DPP10: variants seen among roughly 807,000 people sequenced by gnomAD.
DPP10 encodes dipeptidyl peptidase like 10.
In DPP10, 33 loss-of-function variants were observed where a neutral mutation model predicts 120.9. The observed-to-expected ratio is 0.27, with a 90% CI of 0.21 to 0.37. The LOEUF is 0.37. Ranked by LOEUF, DPP10 falls within the 10% of genes least tolerant of loss-of-function variation. The pLI is 1.00. For missense variants in DPP10, 816 were observed against 942.8 expected, an observed-to-expected ratio of 0.87 and a Z score of 1.76; for synonymous variants, 337 against 326.1, an observed-to-expected ratio of 1.03 and a Z score of -0.36.
At chr2:114,599,694 G>A (rs1160990811) in intron 1 of DPP10, among the ~76,000 whole-genome samples, 1 of 151,570 alleles carries the variant, frequency 6.6e-6, no homozygotes, top group Non-Finnish European at 1.5e-5. Flanking sequence ...TTCTGTGAAC[G>A]TACACCTTGT....
At chr2:115,725,377 C>G (rs1279259874) in intron 7 of DPP10, among the ~76,000 whole-genome samples, 1 of 152,194 alleles carries the variant, frequency 6.6e-6, no homozygotes, top group Non-Finnish European at 1.5e-5. Flanking sequence ...AAAATGCACA[C>G]TTTCATGAAG....
chr2:114,701,006 A>G (rs1700353715), intron 1 of DPP10, among the ~76,000 whole-genome samples: 1 of 152,072 alleles, frequency 6.6e-6, no homozygotes, highest in African/African-American at 2.4e-5. Flanking sequence ...GTGATGGTGT[A>G]CTAGTATCAT....
chr2:115,510,032 T>C (rs1395774858), intron 4 of DPP10, among the ~76,000 whole-genome samples: 1 of 152,204 alleles, frequency 6.6e-6, no homozygotes, highest in Non-Finnish European at 1.5e-5. Flanking sequence ...TCAAATTCTT[T>C]GCCCATTTTT....
chr2:114,838,104 T>G (rs2106436734), intron 1 of DPP10, among the ~76,000 whole-genome samples: 1 of 152,268 alleles, frequency 6.6e-6, no homozygotes. Flanking sequence ...AGGAAAGACC[T>G]GAAGGACCAT....
At chr2:114,517,521 C>CAA (rs70937285) in intron 1 of DPP10, among the ~76,000 whole-genome samples, 4,517 of 123,822 alleles carry the variant, frequency 0.036, 216 homozygotes, top group African/African-American at 0.13. Context: ...GACTCCGTCT[C>CAA]AAAAAAAAAA....
chr2:115,247,973 G>A (rs1234402694), intron 1 of DPP10, among the ~76,000 whole-genome samples: 1 of 152,000 alleles, frequency 6.6e-6, no homozygotes. Context: ...GTAAACCCTT[G>A]GAATATCATG....
At chr2:115,018,836 G>A (rs755737953) in intron 1 of DPP10, among the ~76,000 whole-genome samples, 8 of 152,096 alleles carry the variant, frequency 5.3e-5, no homozygotes, top group African/African-American at 1.2e-4. Flanking sequence ...CATTCTGCAC[G>A]TGTATCCCAG....
intron 1 of DPP10, among the ~76,000 whole-genome samples, chr2:114,630,812 A>G (rs1196573131): frequency 2.6e-5 from 4 of 151,996 alleles, no homozygotes; most frequent in Admixed American, 6.6e-5. Context: ...TGTGCCCCCA[A>G]CCTCTCTGCC....
intron 21 of DPP10, among the ~76,000 whole-genome samples, chr2:115,817,459 A>AT (rs1687371129): frequency 6.6e-6 from 1 of 152,132 alleles, no homozygotes; most frequent in Admixed American, 6.5e-5. Context: ...TGTATAAAAA[A>AT]CCACTTAAGA....
At chr2:115,623,737 CT>C (rs1276242956) in intron 5 of DPP10, among the ~76,000 whole-genome samples, 1 of 152,100 alleles carries the variant, frequency 6.6e-6, no homozygotes, top group African/African-American at 2.4e-5. Context: ...GGAGACTCTC[CT>C]CTTTGTATAA....
At chr2:114,683,571 CCT>C (rs971553515) in intron 1 of DPP10, among the ~76,000 whole-genome samples, 1 of 137,054 alleles carries the variant, frequency 7.3e-6, no homozygotes, top group African/African-American at 2.7e-5. Context: ...TCCCTCCCTC[CCT>C]CTCTCTCTCT....
intron 1 of DPP10, among the ~76,000 whole-genome samples, chr2:114,768,857 C>T (rs554868402): frequency 6.6e-6 from 1 of 152,098 alleles, no homozygotes; most frequent in Non-Finnish European, 1.5e-5. Flanking sequence ...TTTTCATATT[C>T]AGATAAATTT....
At chr2:115,670,436 T>C (rs921499773) in intron 5 of DPP10, among the ~76,000 whole-genome samples, 2 of 141,078 alleles carry the variant, frequency 1.4e-5, no homozygotes, top group African/African-American at 5.6e-5. Context: ...ACTGGTCTAA[T>C]ATTAAACTGT....
At chr2:114,908,945 T>C (rs17452256) in intron 1 of DPP10, among the ~76,000 whole-genome samples, 2,910 of 151,944 alleles carry the variant, frequency 0.019, 50 homozygotes, top group Non-Finnish European at 0.029. Flanking sequence ...TAGATGATTC[T>C]TGTCATATTT....
chr2:114,828,584 C>G (rs182934637), intron 1 of DPP10: 1 of 152,162 alleles, frequency 6.6e-6, no homozygotes, highest in South Asian at 2.1e-4. Flanking sequence ...CTTCCATGAA[C>G]AAGGCACTCA....
intron 5 of DPP10, among the ~76,000 whole-genome samples, chr2:115,672,708 TTC>T (rs758040787): frequency 1.7e-4 from 18 of 108,526 alleles, no homozygotes; most frequent in African/African-American, 4.3e-4. Flanking sequence ...CTTTCTTTCT[TTC>T]TCTTTCTTTC....
At chr2:114,676,352 C>G (rs944530492) in intron 1 of DPP10, among the ~76,000 whole-genome samples, 1 of 152,138 alleles carries the variant, frequency 6.6e-6, no homozygotes, top group Non-Finnish European at 1.5e-5. Flanking sequence ...CTATTTTCAA[C>G]TCTCCATAGG....
intron 19 of DPP10, among the ~76,000 whole-genome samples, chr2:115,797,865 A>G (rs187543770): frequency 1.3e-5 from 2 of 152,074 alleles, no homozygotes; most frequent in East Asian, 3.9e-4. Context: ...CCAAATTTAG[A>G]TAAATTTATA....
At chr2:115,119,478 C>A (rs1489146291) in intron 1 of DPP10, among the ~76,000 whole-genome samples, 1 of 152,172 alleles carries the variant, frequency 6.6e-6, no homozygotes, top group African/African-American at 2.4e-5. Flanking sequence ...CTCTCCTGTC[C>A]TGCTCGAGTA....
Sources: allele counts gnomAD v4.1 joint callset (sites outside exome capture counted in the v4.1 genomes callset), GRCh38; gene constraint gnomAD v4.1.1; transcripts MANE v1.5; gene names NCBI Gene and HGNC (gene_info 2026-07-23, HGNC 2026-07-21).